The following TTC3 variants were observed in gnomAD, a reference collection of about 807,000 sequenced individuals.
TTC3 encodes the protein E3 ubiquitin-protein ligase TTC3.
In TTC3, 180 loss-of-function variants were observed where a neutral mutation model predicts 249.6. The ratio of observed to expected loss-of-function variants is 0.72; its 90% CI spans 0.64 to 0.82. The LOEUF is 0.82. TTC3 is among the 40% of genes least tolerant of loss of function. TTC3 has a pLI of 0.00. For synonymous variants in TTC3, 717 were observed against 805.0 expected, an observed-to-expected ratio of 0.89 and a Z score of 1.85; for missense variants, 2,061 against 2,398.4, an observed-to-expected ratio of 0.86 and a Z score of 2.94.
exon 4 of TTC3, chr21:37,088,261 A>G (rs1316247227): frequency 4.3e-6 from 7 of 1,613,630 alleles, no homozygotes; most frequent in East Asian, 4.5e-5. Flanking sequence ...TTGCGATGCC[A>G]TTAAAATAAA....
At chr21:37,170,025 G>A (rs1208097816) in intron 34 of TTC3, among the ~76,000 whole-genome samples, 1 of 151,962 alleles carries the variant, frequency 6.6e-6, no homozygotes, top group African/African-American at 2.4e-5. Context: ...CATAAAAAAT[G>A]GACCTATAAA....
intron 13 of TTC3, among the ~76,000 whole-genome samples, chr21:37,124,304 C>CG (rs1037255861): frequency 2.6e-4 from 39 of 150,960 alleles, no homozygotes; most frequent in African/African-American, 7.5e-4. Flanking sequence ...TTAGTAGAGA[C>CG]GGGGGTCTCA....
At chr21:37,155,244 A>G (rs1183945633) in intron 27 of TTC3, among the ~76,000 whole-genome samples, 2 of 151,342 alleles carry the variant, frequency 1.3e-5, no homozygotes, top group Non-Finnish European at 2.9e-5. Context: ...CATATTTACC[A>G]TAAGAGAGGT....
At chr21:37,165,526 A>G (rs1251816021) in intron 32 of TTC3, 24 bp from the exon 33 acceptor site, 2 of 1,550,508 alleles carry the variant, frequency 1.3e-6, no homozygotes, top group Non-Finnish European at 1.7e-6. Context: ...ATAGTAACTC[A>G]TGTAAATGTA....
chr21:37,141,328 CTGAT>C (rs920494398), intron 20 of TTC3, among the ~76,000 whole-genome samples: 8 of 151,998 alleles, frequency 5.3e-5, no homozygotes, highest in Admixed American at 1.3e-4. Context: ...TAATTGTTGA[CTGAT>C]TGAATATTAT....
chr21:37,195,682 C>A, exon 42 of TTC3: 1 of 1,605,368 alleles, frequency 6.2e-7, no homozygotes, highest in Middle Eastern at 1.7e-4. Flanking sequence ...CAGGTTCATC[C>A]CGAGTTACTC....
At chr21:37,200,190 CTG>C in intron 44 of TTC3, 40 bp from the exon 45 acceptor site, 2 of 1,583,858 alleles carry the variant, frequency 1.3e-6, no homozygotes, top group Non-Finnish European at 1.7e-6. Context: ...ATAAAAACAA[CTG>C]TAGTTATTCT....
chr21:37,129,755 C>T (rs2077324837), intron 16 of TTC3, among the ~76,000 whole-genome samples: 1 of 152,122 alleles, frequency 6.6e-6, no homozygotes, highest in Non-Finnish European at 1.5e-5. Flanking sequence ...CCTCAGCTCC[C>T]AAGTAGCCAG....
At chr21:37,080,262 T>A in intron 1 of TTC3, among the ~76,000 whole-genome samples, 1 of 152,198 alleles carries the variant, frequency 6.6e-6, no homozygotes, top group African/African-American at 2.4e-5. Flanking sequence ...TTTCTTTGAC[T>A]TATGAGTTAC....
chr21:37,194,004 C>T (rs887918017), intron 41 of TTC3: 4 of 152,208 alleles, frequency 2.6e-5, no homozygotes, highest in African/African-American at 9.7e-5. Context: ...AGATGGAACA[C>T]ACAGTGCTCC....
At chr21:37,149,363 G>A (rs2079255141) in intron 23 of TTC3, among the ~76,000 whole-genome samples, 1 of 129,916 alleles carries the variant, frequency 7.7e-6, no homozygotes, top group Non-Finnish European at 1.7e-5. Flanking sequence ...TTAAAGTATG[G>A]TAGAAATAAA....
In TTC3 at chr21:37,191,401, A is replaced by G. The variant is rs767746687; in HGVS notation, c.5092A>G (p.Thr1698Ala). 3 of 1,581,692 alleles carry G rather than the reference A, an allele frequency of 1.9e-6. No homozygotes were observed. The South Asian group carries it at 3.6e-5, about 19-fold the overall frequency. The change falls in exon 40 of 46, where the codon ACA becomes GCA. Residue 1698 changes from threonine (T) to alanine (A), a missense_variant. Thr to Ala is a moderately conservative substitution (Grantham distance 58). This residue lies in a region of TTC3 where 1,040 missense variants were observed against 1,186.1 expected (regional missense o/e 0.88). Transcript: ENST00000355666. The stretch of plus-strand genomic sequence containing the variant: ...ATGGGAATTGTTTCTTTCTAATGTT[A>G]CAAAAGAAATTGAGAAAGCAAAGGT...
At chr21:37,122,273 T>A (rs192888819) in intron 12 of TTC3, among the ~76,000 whole-genome samples, 6 of 151,782 alleles carry the variant, frequency 4.0e-5, no homozygotes, top group Admixed American at 3.9e-4. Context: ...TTGAATAAAA[T>A]AAAAGCTTTT....
At chr21:37,171,976 A>T (rs1414128583) in intron 34 of TTC3, among the ~76,000 whole-genome samples, 1 of 152,266 alleles carries the variant, frequency 6.6e-6, no homozygotes, top group Non-Finnish European at 1.5e-5. Flanking sequence ...AGCATCAAAC[A>T]GATGCTCTTT....
At chr21:37,083,645 A>G (rs1228004879) in intron 1 of TTC3, 1 of 152,584 alleles carries the variant, frequency 6.6e-6, no homozygotes, top group Non-Finnish European at 1.5e-5. Flanking sequence ...GACATGTAGA[A>G]CAATTAACTG....
intron 39 of TTC3, among the ~76,000 whole-genome samples, chr21:37,191,132 T>C (rs1019220913): frequency 6.6e-6 from 1 of 152,176 alleles, no homozygotes; most frequent in Non-Finnish European, 1.5e-5. Flanking sequence ...TTTTAGAGTT[T>C]TTGTTATATT....
intron 17 of TTC3, 35 bp from the exon 18 acceptor site, chr21:37,135,345 A>G (rs2077833659): frequency 2.5e-6 from 4 of 1,585,872 alleles, no homozygotes; most frequent in Middle Eastern, 1.9e-4. Context: ...AAATGTGTAG[A>G]TTCAGGTTAC....
At chr21:37,160,543 A>G (rs1488498894) in intron 29 of TTC3, among the ~76,000 whole-genome samples, 1 of 152,246 alleles carries the variant, frequency 6.6e-6, no homozygotes. Context: ...ATTACTTGAA[A>G]TAACAGTCCA....
chr21:37,139,939 T>C (rs908604209), intron 19 of TTC3, among the ~76,000 whole-genome samples: 34 of 152,210 alleles, frequency 2.2e-4, no homozygotes, highest in Admixed American at 1.8e-3. Flanking sequence ...TAGTGACATT[T>C]CTTTTTTTCA....
Sources: gnomAD v4.1 joint callset for allele counts (sites outside exome capture counted in the v4.1 genomes callset) on GRCh38, gnomAD v4.1.1 for gene constraint, gnomAD v4.1.1 regional missense constraint, MANE v1.5 for transcripts, NCBI Gene and HGNC (gene_info 2026-07-23, HGNC 2026-07-21) for gene names.